Variants in MYLK3 observed in about 807,000 individuals in gnomAD.
MYLK3 encodes MLC kinase.
A neutral mutation model predicts 76.3 loss-of-function variants in MYLK3; 55 were observed. The ratio of observed to expected loss-of-function variants is 0.72; its 90% CI spans 0.58 to 0.90. MYLK3 has a LOEUF of 0.90. MYLK3 is among the 40% of genes least tolerant of loss of function. MYLK3 has a pLI of 0.00. For missense variants in MYLK3, 973 were observed against 1,053.6 expected (o/e 0.92, Z 1.06); for synonymous variants, 416 against 425.4 (o/e 0.98, Z 0.27).
At chr16:46,710,522 C>A in intron 11 of MYLK3, 115 bp downstream of exon 11, 1 of 1,204,606 alleles carries the variant, frequency 8.3e-7, no homozygotes, top group South Asian at 1.4e-5. Flanking sequence ...ACTAAGAAAT[C>A]TTGAATGGAA....
chr16:46,744,344 T>TC (rs1966985057), intron 1 of MYLK3, among the ~76,000 whole-genome samples: 2 of 138,940 alleles, frequency 1.4e-5, no homozygotes, highest in Admixed American at 7.3e-5. Flanking sequence ...TTTTTTTTTT[T>TC]TTTTTTTTTT....
chr16:46,714,529 T>C (rs898509183), intron 9 of MYLK3, among the ~76,000 whole-genome samples: 1 of 152,164 alleles, frequency 6.6e-6, no homozygotes, highest in Admixed American at 6.5e-5. Flanking sequence ...GCCCAGCAGC[T>C]GACCCAGGAC....
chr16:46,748,454 G>A (rs1380515507), upstream of MYLK3: 5 of 515,158 alleles, frequency 9.7e-6, no homozygotes, highest in Non-Finnish European at 1.6e-5. The surrounding 1 kb of genome is among the most constrained non-coding windows in gnomAD (Gnocchi z 4.3). Flanking sequence ...TCTCCTTGGG[G>A]CCCCTTTGAC....
In MYLK3 at chr16:46,748,196, T is replaced by C; in HGVS notation, c.-3A>G. The C allele has an allele frequency of 6.2e-7, 1 of 1,610,178 alleles. No homozygotes were observed. The highest frequency in any genetic ancestry group is 8.5e-7 in the Non-Finnish European group (1 of 1,177,604). ...CTCTCCTTGGAGGTTCCTGACATGCTGGTGCAGGCTTGACAAGGGCAAGAG... is the reference window on the plus strand; with the variant it reads ...CTCTCCTTGGAGGTTCCTGACATGCCGGTGCAGGCTTGACAAGGGCAAGAG... On this transcript the variant is annotated 5_prime_UTR_variant, in exon 1 of 13. Coordinates refer to ENST00000394809, the MANE Select transcript of MYLK3 (RefSeq NM_182493.3). This position sits in a 1 kb window ranked among gnomAD's most constrained non-coding sequence, Gnocchi z 4.3.
intron 10 of MYLK3, among the ~76,000 whole-genome samples, chr16:46,711,953 G>A (rs1043677881): frequency 6.7e-6 from 1 of 149,362 alleles, no homozygotes; most frequent in Non-Finnish European, 1.5e-5. Flanking sequence ...TTACTTTTAT[G>A]TCTCAGTACC....
chr16:46,707,708 G>A lies in MYLK3; in HGVS notation c.2456C>T (p.Pro819Leu), dbSNP rs746997455. 3 of 1,609,812 alleles carry A rather than the reference G, an allele frequency of 1.9e-6. No individual in the cohort carries two copies. The highest frequency in any genetic ancestry group is 2.7e-5 in the African/African-American group (2 of 74,812). ...TTGGAGCAGCAGAGTTGAAGATTAG[G>A]GAGAAGTTGGAAATTTCCTTAACCT... ...ANRLRKFPTS[P>L] Residue 819 changes from proline to leucine, a missense_variant, in exon 13 of 13, where the codon CCC (proline) becomes CTC (leucine). Around this residue, in one of 2 missense-constraint regions of MYLK3, gnomAD observed 332 missense variants for 416.6 expected, o/e 0.80. Coordinates refer to ENST00000394809, the MANE Select transcript of MYLK3 (RefSeq NM_182493.3).
At chr16:46,732,793 AC>A in intron 3 of MYLK3, 125 bp from the exon 4 acceptor site, 1 of 747,474 alleles carries the variant, frequency 1.3e-6, no homozygotes, top group Non-Finnish European at 2.1e-6. Context: ...TAGACAGGAC[AC>A]CAGGGCAGGA....
At chr16:46,753,024 G>T (rs188537884), upstream of MYLK3, among the ~76,000 whole-genome samples, 5 of 152,290 alleles carry the variant, frequency 3.3e-5, no homozygotes, top group African/African-American at 1.2e-4. Flanking sequence ...AGAATGGAAG[G>T]GGCCATTGGT....
At position 46,748,155 on chromosome 16, in the gene MYLK3, C is replaced by T. The variant is rs569799603; in HGVS notation, c.39G>A (p.Gly13=). 4 of 1,613,870 alleles carry T rather than the reference C, an allele frequency of 2.5e-6. No homozygotes were observed. Among genetic ancestry groups the T allele is most frequent in the African/African-American group, 1.3e-5 (1 of 75,052 alleles). The part of the protein sequence containing the change: ...GTSKESLGHG[G]LPGLGKTCLT... ...AGCAGGTCTTGCCCAACCCTGGCAGCCCCCCATGCCCCAGACTCTCCTTGG... is the reference window on the plus strand; with the variant it reads ...AGCAGGTCTTGCCCAACCCTGGCAGTCCCCCATGCCCCAGACTCTCCTTGG... The change falls in exon 1 of 13, where the codon GGG becomes GGA. Residue 13 remains glycine (G), a synonymous_variant. Transcript: ENST00000394809. This position sits in a 1 kb window ranked among gnomAD's most constrained non-coding sequence, Gnocchi z 4.3.
At chr16:46,755,458 C>CAAA (rs764545267) in intron 1 of MYLK3, among the ~76,000 whole-genome samples, 1 of 87,352 alleles carries the variant, frequency 1.1e-5, no homozygotes, top group Non-Finnish European at 2.4e-5. Flanking sequence ...AACTCTGTCT[C>CAAA]AAAAAAAAAA....
At chr16:46,717,281 G>A (rs1006379163) in intron 9 of MYLK3, among the ~76,000 whole-genome samples, 1 of 152,176 alleles carries the variant, frequency 6.6e-6, no homozygotes. Context: ...CCAGCTGCCC[G>A]CTTTTGATCA....
In MYLK3 at chr16:46,727,224, G is replaced by A. The variant is rs1966844425; in HGVS notation, c.1914+12C>T. The A allele has an allele frequency of 2.5e-6, 4 of 1,612,972 alleles. No homozygotes were observed. The highest frequency in any genetic ancestry group is 2.2e-5 in the South Asian group (2 of 91,020). On this transcript the variant is annotated intron_variant, in intron 8 of 12. Coordinates refer to ENST00000394809, the MANE Select transcript of MYLK3 (RefSeq NM_182493.3). Reference sequence around the variant, plus strand: ...CCAGGGGCCCCTACCGCATGCCCAGGGCAGAACCCACCTTGAGGTCCAGGT... The same window carrying A: ...CCAGGGGCCCCTACCGCATGCCCAGAGCAGAACCCACCTTGAGGTCCAGGT...
chr16:46,726,706 AAAG>A (rs1567284876), intron 8 of MYLK3: 1 of 150,064 alleles, frequency 6.7e-6, no homozygotes, highest in African/African-American at 2.5e-5. Flanking sequence ...AGAAAGAAAG[AAAG>A]AAAGAAAGAA....
chr16:46,762,032 C>T (rs1431355910), intron 1 of MYLK3, among the ~76,000 whole-genome samples: 2 of 152,084 alleles, frequency 1.3e-5, no homozygotes, highest in African/African-American at 4.8e-5. Flanking sequence ...AACACAGGGG[C>T]GCTAAGTGGA....
chr16:46,710,536 G>T, intron 11 of MYLK3, 101 bp downstream of exon 11: 1 of 1,315,318 alleles, frequency 7.6e-7, no homozygotes, highest in Non-Finnish European at 1.1e-6. Context: ...AATGGAATTT[G>T]TCCACAGGAA....
At position 46,732,241 on chromosome 16, in the gene MYLK3, G is replaced by A. The variant is rs564847306; in HGVS notation, c.1429C>T (p.Pro477Ser). 5.6e-6 allele frequency: 9 copies of A among 1,595,200 alleles called. No homozygotes were observed. The East Asian group carries it at 9.0e-5, about 16-fold the overall frequency. ...PVRAEAVRRM[P>S]PGAEAGSVVL... ...ACGCTGCCAGCCTCGGCGCCTGGGG[G>A]CATCCTCCTTACTGCTTCAGCTCTC... Residue 477 changes from proline (P) to serine (S), a missense_variant, in exon 4 of 13, where the codon CCC (proline) becomes TCC (serine). Pro to Ser is a moderately conservative substitution (Grantham distance 74, BLOSUM62 -1). This residue lies in a region of MYLK3 where 641 missense variants were observed against 637.0 expected (regional missense o/e 1.01). Transcript: ENST00000394809.
chr16:46,761,348 T>C (rs147148120), intron 1 of MYLK3, among the ~76,000 whole-genome samples: 148 of 152,236 alleles, frequency 9.7e-4, no homozygotes, highest in Non-Finnish European at 1.6e-3. Context: ...AGTGATGCTA[T>C]GGAACATTTT....
intron 1 of MYLK3, among the ~76,000 whole-genome samples, chr16:46,742,785 C>T (rs948510401): frequency 6.6e-6 from 1 of 152,206 alleles, no homozygotes; most frequent in African/African-American, 2.4e-5. Flanking sequence ...CTGCCGCTGT[C>T]ACCATGATCA....
chr16:46,752,658 G>T (rs1164527984), upstream of MYLK3, among the ~76,000 whole-genome samples: 1 of 152,092 alleles, frequency 6.6e-6, no homozygotes, highest in Non-Finnish European at 1.5e-5. Flanking sequence ...AGGATTGCTT[G>T]AGCCCAGGAG....
Sources: allele counts gnomAD v4.1 joint callset (sites outside exome capture counted in the v4.1 genomes callset), GRCh38; gene constraint gnomAD v4.1.1; regional missense constraint gnomAD v4.1.1; non-coding constraint Gnocchi (gnomAD v3.1); transcripts MANE v1.5; gene names NCBI Gene and HGNC (gene_info 2026-07-23, HGNC 2026-07-21).